LGSN: variants seen among roughly 807,000 people sequenced by gnomAD.
LGSN encodes the protein lengsin.
A neutral mutation model predicts 19.5 loss-of-function variants in LGSN; 21 were observed. The observed-to-expected ratio is 1.07, with a 90% CI of 0.76 to 1.55. The LOEUF is 1.55. Ranked by LOEUF, LGSN falls within the 40% of genes most tolerant of loss-of-function variation. The pLI is 0.00. For synonymous variants in LGSN, 257 were observed against 215.6 expected (o/e 1.19, Z -1.68); for missense variants, 673 against 608.5 (o/e 1.11, Z -1.12).
At chr6:63,377,957 C>T in the LGSN span, among the ~76,000 whole-genome samples, 15,693 of 69,628 alleles carry the variant, frequency 0.23, 2,246 homozygotes, top group African/African-American at 0.47. Context: ...GGATGAATAA[C>T]AAGAAAGAAA....
the LGSN span, among the ~76,000 whole-genome samples, chr6:63,334,820 A>G: frequency 6.6e-6 from 1 of 152,132 alleles, no homozygotes; most frequent in Non-Finnish European, 1.5e-5. Context: ...CTTAACGGCC[A>G]GCTGATCTTC....
At chr6:63,407,005 A>G in the LGSN span, among the ~76,000 whole-genome samples, 1 of 152,214 alleles carries the variant, frequency 6.6e-6, no homozygotes, top group African/African-American at 2.4e-5. Context: ...TGAATAGACC[A>G]ATAACAGGCT....
At chr6:63,332,089 G>A in the LGSN span, among the ~76,000 whole-genome samples, 3 of 152,262 alleles carry the variant, frequency 2.0e-5, no homozygotes, top group South Asian at 2.1e-4. Context: ...CTAGCTTCAG[G>A]AATAGCTTTT....
At chr6:63,359,136 T>C in the LGSN span, among the ~76,000 whole-genome samples, 1 of 152,212 alleles carries the variant, frequency 6.6e-6, no homozygotes, top group Admixed American at 6.5e-5. Context: ...GGATTACATT[T>C]ATTGATTTGC....
chr6:63,477,015 T>C, the LGSN span, among the ~76,000 whole-genome samples: 1 of 152,250 alleles, frequency 6.6e-6, no homozygotes, highest in Non-Finnish European at 1.5e-5. Flanking sequence ...TAGTCAAGCC[T>C]AGACAGATGG....
the LGSN span, among the ~76,000 whole-genome samples, chr6:63,351,377 G>T: frequency 2.0e-5 from 3 of 152,078 alleles, no homozygotes; most frequent in Non-Finnish European, 4.4e-5. Context: ...ATATCTCTGT[G>T]TGTGTGTGTG....
At chr6:63,289,632 A>T (rs1260382262) in intron 2 of LGSN, among the ~76,000 whole-genome samples, 1 of 152,156 alleles carries the variant, frequency 6.6e-6, no homozygotes, top group Non-Finnish European at 1.5e-5. Context: ...ATATTAAAAA[A>T]AAAAAACCTT....
rs115395103 is a variant in LGSN, at chr6:63,314,511, G to A, written c.30+5403C>T. 3.0e-3 allele frequency among the ~76,000 whole-genome samples: 452 copies of A among 152,296 alleles called. 3 individuals carry two copies. Among genetic ancestry groups the A allele is most frequent in the African/African-American group, 0.01 (427 of 41,578 alleles). On this transcript the variant is annotated intron_variant, in intron 1 of 3. Transcript: ENST00000370657. ...AAATGAGGAGGAAGAGGACTATTAG[G>A]AGGAGAAAGACAGAAAGCAAAGAAT...
chr6:63,355,988 T>G, the LGSN span, among the ~76,000 whole-genome samples: 1 of 152,142 alleles, frequency 6.6e-6, no homozygotes, highest in East Asian at 1.9e-4. Flanking sequence ...CAGTACTCTG[T>G]CTTCACATGG....
rs1479396732 is a variant in LGSN, at chr6:63,276,553, G to A, written c.*3468C>T. On this transcript the variant is annotated 3_prime_UTR_variant, in exon 4 of 4. Transcript: ENST00000370657. ...AAATGAAAATAAGAAAGCAATTTTTGTAAAGCTATTTATAAGGCACCCTTT... is the reference window on the plus strand; with the variant it reads ...AAATGAAAATAAGAAAGCAATTTTTATAAAGCTATTTATAAGGCACCCTTT... 1 of 151,998 alleles carries A rather than the reference G, an allele frequency of 6.6e-6. No homozygotes were observed. The highest frequency in any genetic ancestry group is 1.5e-5 in the Non-Finnish European group (1 of 67,988). 9.4% of individuals were successfully genotyped at this position (151,998 alleles called of 1,614,324 possible). A position where few individuals can be genotyped will look rare whatever the true frequency, so the allele number is the denominator to read the frequency against.
the LGSN span, among the ~76,000 whole-genome samples, chr6:63,558,259 TGGAA>T: frequency 1.3e-4 from 19 of 151,174 alleles, no homozygotes; most frequent in Admixed American, 5.9e-4. Context: ...GAAAATATTG[TGGAA>T]GGAAGTAAAA....
At chr6:63,528,659 G>T in the LGSN span, among the ~76,000 whole-genome samples, 1 of 152,116 alleles carries the variant, frequency 6.6e-6, no homozygotes, top group Admixed American at 6.6e-5. Flanking sequence ...TACTCAGGAG[G>T]CTGAAGTGGG....
At chr6:63,481,518 A>ATT in the LGSN span, among the ~76,000 whole-genome samples, 15 of 149,484 alleles carry the variant, frequency 1.0e-4, no homozygotes, top group East Asian at 5.9e-4. Context: ...AATTTTTTGT[A>ATT]TTTTTTTTTA....
At chr6:63,305,999 G>A (rs1768369812) in intron 1 of LGSN, among the ~76,000 whole-genome samples, 1 of 152,090 alleles carries the variant, frequency 6.6e-6, no homozygotes, top group Admixed American at 6.5e-5. Context: ...CCCAGGAGGT[G>A]GAGGTTACAG....
At chr6:63,443,660 CT>C in the LGSN span, 1 of 718,572 alleles carries the variant, frequency 1.4e-6, no homozygotes. Context: ...GACACAAACT[CT>C]TTTTAGCATC....
chr6:63,572,017 T>C, the LGSN span: 1 of 152,200 alleles, frequency 6.6e-6, no homozygotes, highest in African/African-American at 2.4e-5. Flanking sequence ...CTGGCAAAGA[T>C]GACCGTGGTT....
chr6:63,435,806 T>C, the LGSN span, among the ~76,000 whole-genome samples: 7 of 151,776 alleles, frequency 4.6e-5, no homozygotes, highest in Admixed American at 3.9e-4. Flanking sequence ...AATATTAGAA[T>C]GCATAGCAAA....
chr6:63,464,290 A>G, the LGSN span, among the ~76,000 whole-genome samples: 1 of 152,144 alleles, frequency 6.6e-6, no homozygotes, highest in Non-Finnish European at 1.5e-5. Context: ...GGAAGTTGTG[A>G]GAATTAGATG....
the LGSN span, among the ~76,000 whole-genome samples, chr6:63,412,159 G>A: frequency 6.6e-6 from 1 of 151,976 alleles, no homozygotes; most frequent in African/African-American, 2.4e-5. Flanking sequence ...TTGAGGTCAG[G>A]AGTTCGAGAC....
Sources: gnomAD v4.1 joint callset for allele counts (sites outside exome capture counted in the v4.1 genomes callset) on GRCh38, gnomAD v4.1.1 for gene constraint, MANE v1.5 for transcripts, NCBI Gene and HGNC (gene_info 2026-07-23, HGNC 2026-07-21) for gene names.